PRKG1: variants seen among roughly 807,000 people sequenced by gnomAD.
PRKG1 encodes the protein cGMP-dependent protein kinase 1.
PRKG1 carries 35 observed loss-of-function variants against 88.1 expected under a neutral mutation model. That is an observed-to-expected ratio of 0.40 (90% CI 0.30 to 0.53). The LOEUF (loss-of-function observed/expected upper bound fraction) is 0.53. PRKG1 is among the 20% of genes least tolerant of loss of function. The pLI, the probability that PRKG1 is intolerant of heterozygous loss-of-function variation, is 0.59. For missense variants in PRKG1, 540 were observed against 839.8 expected, an observed-to-expected ratio of 0.64 and a Z score of 4.41; for synonymous variants, 303 against 292.5, an observed-to-expected ratio of 1.04 and a Z score of -0.37.
At chr10:51,329,734 T>C (rs1347820176) in intron 2 of PRKG1, among the ~76,000 whole-genome samples, 1 of 152,126 alleles carries the variant, frequency 6.6e-6, no homozygotes, top group East Asian at 1.9e-4. Flanking sequence ...TGTTTTTTTG[T>C]TTGTTTGTTT....
Position 51,342,816 on chromosome 10 carries a change from T to A in PRKG1, c.479-124907T>A, listed in dbSNP as rs150581856. Among the ~76,000 whole-genome samples the A allele has an allele frequency of 5.9e-5, 9 of 152,346 alleles. No homozygotes were observed. In the East Asian group the frequency reaches 7.7e-4, roughly 13 times the overall value. ...CTTGTCCTAAAGTAAGACAGCAATA[T>A]GAAGAATAACAAACATTCAGGTGTT... On this transcript the variant is annotated intron_variant, in intron 2 of 17. Coordinates refer to ENST00000373980, the MANE Select transcript of PRKG1 (RefSeq NM_006258.4).
At chr10:52,095,901 C>T (rs558806925) in intron 7 of PRKG1, among the ~76,000 whole-genome samples, 1 of 152,158 alleles carries the variant, frequency 6.6e-6, no homozygotes, top group Non-Finnish European at 1.5e-5. Flanking sequence ...GATATGTTAG[C>T]CTTGATATGC....
chr10:52,234,374 G>A (rs1023412682), intron 9 of PRKG1, among the ~76,000 whole-genome samples: 59 of 152,016 alleles, frequency 3.9e-4, no homozygotes, highest in Non-Finnish European at 6.5e-4. Context: ...TCTGAGCTAC[G>A]GGAGGACATT....
chr10:52,225,306 T>C (rs1840364125), intron 9 of PRKG1, among the ~76,000 whole-genome samples: 1 of 152,100 alleles, frequency 6.6e-6, no homozygotes. Flanking sequence ...GTATTCATAT[T>C]CTTAGCCCAC....
intron 2 of PRKG1, among the ~76,000 whole-genome samples, chr10:51,294,024 T>C (rs1321541586): frequency 6.6e-6 from 1 of 152,182 alleles, no homozygotes; most frequent in Middle Eastern, 3.2e-3. Flanking sequence ...TGTCTTCTGT[T>C]GAGAACTGTC....
chr10:51,084,326 G>A (rs1844192776), intron 1 of PRKG1, among the ~76,000 whole-genome samples: 1 of 152,196 alleles, frequency 6.6e-6, no homozygotes, highest in Admixed American at 6.5e-5. Flanking sequence ...ATGATAGGCA[G>A]AAGTTGGTGG....
At chr10:51,226,459 T>A (rs187856682) in intron 2 of PRKG1, among the ~76,000 whole-genome samples, 372 of 152,290 alleles carry the variant, frequency 2.4e-3, no homozygotes, top group African/African-American at 8.4e-3. Flanking sequence ...AATGTCTTTA[T>A]CAATGAGTAT....
At chr10:51,388,313 C>G (rs1304219853) in intron 2 of PRKG1, among the ~76,000 whole-genome samples, 2 of 152,174 alleles carry the variant, frequency 1.3e-5, no homozygotes, top group Admixed American at 1.3e-4. Flanking sequence ...GGTAAAGAAA[C>G]CGAGTCCAGT....
chr10:51,738,464 C>T (rs55649767), intron 3 of PRKG1, among the ~76,000 whole-genome samples: 30 of 152,290 alleles, frequency 2.0e-4, no homozygotes, highest in African/African-American at 6.7e-4. Flanking sequence ...AATAATTCTT[C>T]CTGCATGAAG....
chr10:50,993,050 C>T (rs370217392), intron 1 of PRKG1, among the ~76,000 whole-genome samples: 224 of 152,266 alleles, frequency 1.5e-3, no homozygotes, highest in Non-Finnish European at 2.6e-3. Context: ...CCATCCAGGT[C>T]AGCTCCAGGG....
chr10:51,554,865 T>A (rs189415044), intron 3 of PRKG1, among the ~76,000 whole-genome samples: 238 of 150,124 alleles, frequency 1.6e-3, no homozygotes, highest in East Asian at 0.013. Context: ...CTCAAAAAAA[T>A]TTTTTTTAAT....
intron 3 of PRKG1, among the ~76,000 whole-genome samples, chr10:51,668,706 A>G (rs1045360674): frequency 6.6e-6 from 1 of 152,206 alleles, no homozygotes; most frequent in Non-Finnish European, 1.5e-5. Context: ...ATTCAAAATT[A>G]GGACTGTTTT....
chr10:51,653,177 G>A (rs1206087207), intron 3 of PRKG1, among the ~76,000 whole-genome samples: 1 of 152,196 alleles, frequency 6.6e-6, no homozygotes, highest in African/African-American at 2.4e-5. Context: ...AACACAGAGT[G>A]TAGATATGTT....
Position 52,222,277 on chromosome 10 carries a change from C to T in PRKG1, c.1077-29293C>T, listed in dbSNP as rs544326406. On this transcript the variant is annotated intron_variant, in intron 9 of 17. Transcript: ENST00000373980. ...CCCTCTCCTGCTGTTTGCTGCTGCA[C>T]AAGTATATTCTGAGCAGAATGGGGG... 3.3e-5 allele frequency among the ~76,000 whole-genome samples: 5 copies of T among 152,230 alleles called. No homozygotes were observed. In the South Asian group the frequency reaches 1.0e-3, roughly 32 times the overall value.
chr10:51,565,899 A>T (rs10998193), intron 3 of PRKG1, among the ~76,000 whole-genome samples: 21,556 of 152,032 alleles, frequency 0.14, 1,640 homozygotes, highest in African/African-American at 0.19. Flanking sequence ...GCAATAATGA[A>T]GTTGGCAGTG....
rs1365868064 is a variant in PRKG1, at chr10:51,743,686, T to TA, written c.593-60899_593-60898insA. On this transcript the variant is annotated intron_variant, in intron 3 of 17. Coordinates refer to ENST00000373980, the MANE Select transcript of PRKG1 (RefSeq NM_006258.4). ...TATATATATATTTATATATATATAA[T>TA]TTATTATATATATAATATAAACTAA... Among the ~76,000 whole-genome samples the TA allele has an allele frequency of 2.2e-3, 302 of 135,250 alleles. 1 individual carries two copies. The highest frequency in any genetic ancestry group is 8.1e-3 in the African/African-American group (289 of 35,524). 88.7% of individuals were successfully genotyped at this position (135,250 alleles called of 152,430 possible). A position where few individuals can be genotyped will look rare whatever the true frequency, so the allele number is the denominator to read the frequency against.
At chr10:51,622,160 T>C (rs996611230) in intron 3 of PRKG1, among the ~76,000 whole-genome samples, 1 of 152,178 alleles carries the variant, frequency 6.6e-6, no homozygotes, top group Non-Finnish European at 1.5e-5. Flanking sequence ...CATAAGCATA[T>C]ATACCATGCC....
chr10:51,125,703 T>C (rs1481529517), intron 1 of PRKG1, among the ~76,000 whole-genome samples: 1 of 147,346 alleles, frequency 6.8e-6, no homozygotes, highest in Non-Finnish European at 1.5e-5. Flanking sequence ...ATTATTTATT[T>C]TTTAAATTAT....
chr10:51,861,349 T>C (rs955281456), intron 4 of PRKG1, among the ~76,000 whole-genome samples: 1 of 152,316 alleles, frequency 6.6e-6, no homozygotes. Flanking sequence ...AAAATTTAAT[T>C]GCTTGCTACT....
Sources: allele counts gnomAD v4.1 joint callset (sites outside exome capture counted in the v4.1 genomes callset), GRCh38; gene constraint gnomAD v4.1.1; transcripts MANE v1.5; gene names NCBI Gene and HGNC (gene_info 2026-07-23, HGNC 2026-07-21).